Variants in LIMCH1 observed in about 807,000 individuals in gnomAD.
LIMCH1 encodes LIM and calponin homology domains 1.
A neutral mutation model predicts 176.5 loss-of-function variants in LIMCH1; 113 were observed. The observed-to-expected ratio is 0.64, with a 90% CI of 0.55 to 0.75. The LOEUF is 0.75. Among genes scored for constraint, LIMCH1 ranks in the 30% least tolerant of loss-of-function variants. The pLI, the probability that LIMCH1 is intolerant of heterozygous loss-of-function variation, is 0.00. For synonymous variants in LIMCH1, 619 were observed against 645.9 expected, an observed-to-expected ratio of 0.96 and a Z score of 0.63; for missense variants, 1,674 against 1,814.9, an observed-to-expected ratio of 0.92 and a Z score of 1.41.
intron 1 of LIMCH1, among the ~76,000 whole-genome samples, chr4:41,473,984 C>T (rs1271216472): frequency 6.7e-6 from 1 of 150,352 alleles, no homozygotes; most frequent in Non-Finnish European, 1.5e-5. Flanking sequence ...TTGAGACCAG[C>T]CTGGCCAACA....
intron 1 of LIMCH1, among the ~76,000 whole-genome samples, chr4:41,582,665 A>G (rs1418218606): frequency 6.6e-6 from 1 of 152,188 alleles, no homozygotes; most frequent in Non-Finnish European, 1.5e-5. Flanking sequence ...GGGGATAATA[A>G]TAGTATCTAC....
chr4:41,597,469 C>G (rs2152742641), intron 1 of LIMCH1, among the ~76,000 whole-genome samples: 1 of 152,250 alleles, frequency 6.6e-6, no homozygotes. Flanking sequence ...CTGCATACAA[C>G]CTAATGTCTT....
At chr4:41,461,838 A>C (rs570729978) in intron 1 of LIMCH1, among the ~76,000 whole-genome samples, 46 of 152,354 alleles carry the variant, frequency 3.0e-4, no homozygotes, top group Non-Finnish European at 5.4e-4. Context: ...CTTAGTTTAA[A>C]AACATAAAAG....
intron 1 of LIMCH1, among the ~76,000 whole-genome samples, chr4:41,384,949 A>G (rs2056288730): frequency 6.6e-6 from 1 of 152,242 alleles, no homozygotes; most frequent in Non-Finnish European, 1.5e-5. Flanking sequence ...ATTTTGGGAT[A>G]TAAGTGAAGT....
At chr4:41,564,958 G>C (rs1156382033) in intron 1 of LIMCH1, among the ~76,000 whole-genome samples, 1 of 152,142 alleles carries the variant, frequency 6.6e-6, no homozygotes, top group Non-Finnish European at 1.5e-5. Context: ...TAAGTTTCCT[G>C]AGGCCTCCCC....
chr4:41,629,476 C>A lies in LIMCH1; in HGVS notation c.1029-16C>A, dbSNP rs192663945. ...TGATTTTTCCATTGGTGTGGGGGCC[C>A]GGATCAAATGGACAGAAACCAGGGC... On this transcript the variant is annotated splice_polypyrimidine_tract_variant and intron_variant, in intron 8 of 31. Coordinates refer to ENST00000503057, the MANE Select transcript of LIMCH1 (RefSeq NM_001330672.2). The A allele has an allele frequency of 4.6e-6, 7 of 1,535,264 alleles. No homozygotes were observed. Among genetic ancestry groups the A allele is most frequent in the Non-Finnish European group, 6.1e-6 (7 of 1,146,496 alleles).
At chr4:41,681,434 A>G (rs1392149041) in intron 25 of LIMCH1, among the ~76,000 whole-genome samples, 3 of 152,166 alleles carry the variant, frequency 2.0e-5, no homozygotes, top group East Asian at 1.9e-4. Context: ...CCCCTCTGCC[A>G]TACTATACAT....
At chr4:41,566,519 A>T (rs768475182) in intron 1 of LIMCH1, among the ~76,000 whole-genome samples, 1 of 152,126 alleles carries the variant, frequency 6.6e-6, no homozygotes, top group Non-Finnish European at 1.5e-5. Flanking sequence ...ATACTGAAGG[A>T]CAGTTGGGTG....
chr4:41,396,680 C>G (rs2057833379), intron 1 of LIMCH1, among the ~76,000 whole-genome samples: 1 of 152,046 alleles, frequency 6.6e-6, no homozygotes, highest in Non-Finnish European at 1.5e-5. Flanking sequence ...GTGGGCAGAT[C>G]ACTTGAGGTC....
At chr4:41,423,662 A>G (rs1222626115) in intron 1 of LIMCH1, among the ~76,000 whole-genome samples, 1 of 152,162 alleles carries the variant, frequency 6.6e-6, no homozygotes, top group African/African-American at 2.4e-5. Flanking sequence ...GGTGGGACCA[A>G]AAGTCCTCTA....
At chr4:41,377,580 T>C (rs1266787776) in intron 1 of LIMCH1, among the ~76,000 whole-genome samples, 1 of 152,168 alleles carries the variant, frequency 6.6e-6, no homozygotes, top group Non-Finnish European at 1.5e-5. Context: ...AGATGGGCAT[T>C]GGGTTCCTTG....
intron 1 of LIMCH1, among the ~76,000 whole-genome samples, chr4:41,449,647 A>G (rs1466927432): frequency 6.6e-6 from 1 of 152,148 alleles, no homozygotes; most frequent in Non-Finnish European, 1.5e-5. Flanking sequence ...CTTTTTGGTC[A>G]TAGTTAAAAA....
At chr4:41,420,955 C>T (rs964447708) in intron 1 of LIMCH1, among the ~76,000 whole-genome samples, 3 of 152,212 alleles carry the variant, frequency 2.0e-5, no homozygotes, top group African/African-American at 7.2e-5. Flanking sequence ...ACAAGGCTTA[C>T]TCAAGTAACA....
At chr4:41,431,861 T>C (rs1245966680) in intron 1 of LIMCH1, among the ~76,000 whole-genome samples, 1 of 152,184 alleles carries the variant, frequency 6.6e-6, no homozygotes, top group African/African-American at 2.4e-5. Flanking sequence ...GTTCATACTA[T>C]AGGAGAAGAA....
intron 1 of LIMCH1, among the ~76,000 whole-genome samples, chr4:41,431,858 C>T (rs1267542671): frequency 6.6e-6 from 1 of 152,144 alleles, no homozygotes; most frequent in Non-Finnish European, 1.5e-5. Context: ...GGTGTTCATA[C>T]TATAGGAGAA....
chr4:41,573,837 G>GT (rs371710761), intron 1 of LIMCH1, among the ~76,000 whole-genome samples: 33 of 152,244 alleles, frequency 2.2e-4, no homozygotes, highest in Admixed American at 5.2e-4. Context: ...CACTTTGCAT[G>GT]TGTAAAGTAT....
intron 1 of LIMCH1, among the ~76,000 whole-genome samples, chr4:41,555,934 A>C (rs1389015443): frequency 6.6e-6 from 1 of 152,074 alleles, no homozygotes; most frequent in East Asian, 1.9e-4. Flanking sequence ...TTGTAGAGAC[A>C]GGGTTTCACT....
intron 1 of LIMCH1, among the ~76,000 whole-genome samples, chr4:41,458,638 G>A (rs1275871357): frequency 1.3e-5 from 2 of 151,400 alleles, no homozygotes; most frequent in Non-Finnish European, 2.9e-5. Context: ...GCTGGGCGTG[G>A]TGGCATGCAC....
chr4:41,694,540 A>G (rs1321654283), intron 31 of LIMCH1, among the ~76,000 whole-genome samples: 2 of 152,192 alleles, frequency 1.3e-5, no homozygotes, highest in Non-Finnish European at 1.5e-5. Flanking sequence ...TTAATGATAT[A>G]TCTTGGTAAC....
Sources: gnomAD v4.1 joint callset for allele counts (sites outside exome capture counted in the v4.1 genomes callset) on GRCh38, gnomAD v4.1.1 for gene constraint, MANE v1.5 for transcripts, NCBI Gene and HGNC (gene_info 2026-07-23, HGNC 2026-07-21) for gene names.